INTS7: variants seen among roughly 807,000 people sequenced by gnomAD.
INTS7 encodes chromosome 1 open reading frame 73.
A neutral mutation model predicts 109.2 loss-of-function variants in INTS7; 46 were observed. The ratio of observed to expected loss-of-function variants is 0.42; its 90% confidence interval spans 0.33 to 0.54. INTS7 has a LOEUF of 0.54. Ranked by LOEUF, INTS7 falls within the 20% of genes least tolerant of loss-of-function variation. The pLI, the probability that INTS7 is intolerant of heterozygous loss-of-function variation, is 0.07. For synonymous variants in INTS7, 412 were observed against 402.9 expected (o/e 1.02, Z -0.27); for missense variants, 929 against 1,132.4 (o/e 0.82, Z 2.58).
chr1:212,021,272 CA>C, intron 1 of INTS7, 60 bp from the exon 2 acceptor site: 2 of 1,393,110 alleles, frequency 1.4e-6, no homozygotes, highest in Admixed American at 2.2e-5. Context: ...GGCTACAAAG[CA>C]AAAATAGCAA....
chr1:211,997,577 C>CA (rs1158240626), intron 7 of INTS7, among the ~76,000 whole-genome samples: 1 of 137,874 alleles, frequency 7.3e-6, no homozygotes, highest in Non-Finnish European at 1.6e-5. Flanking sequence ...GTTCATGGAT[C>CA]AAAAAAACAC....
At chr1:211,964,373 A>G (rs1663775678) in intron 16 of INTS7, among the ~76,000 whole-genome samples, 1 of 152,222 alleles carries the variant, frequency 6.6e-6, no homozygotes, top group African/African-American at 2.4e-5. Flanking sequence ...AGAAATCAAT[A>G]TTGTTAAAAT....
rs1370990799 is a variant in INTS7 at position 211,966,508 on chromosome 1, T to C, written c.2115-10A>G. On this transcript the variant is annotated splice_polypyrimidine_tract_variant and intron_variant, in intron 15 of 19. Transcript: ENST00000366994. ...ACAGCTCTGCTGCTGTCTGGATTGA[T>C]GTTAAGGTTACATACGAAAATAGAG... 5 of 1,585,616 alleles carry C rather than the reference T, an allele frequency of 3.2e-6. No homozygotes were observed. Among genetic ancestry groups the C allele is most frequent in the Non-Finnish European group, 4.3e-6 (5 of 1,159,476 alleles).
intron 9 of INTS7, among the ~76,000 whole-genome samples, chr1:211,981,668 A>T (rs535769292): frequency 3.3e-5 from 5 of 152,302 alleles, no homozygotes; most frequent in Admixed American, 2.6e-4. Flanking sequence ...TTACTGTTTT[A>T]AGTCTGACCA....
intron 1 of INTS7, among the ~76,000 whole-genome samples, chr1:212,032,508 G>T (rs2102509426): frequency 6.7e-6 from 1 of 149,860 alleles, no homozygotes; most frequent in East Asian, 2.0e-4. Context: ...AGACAGTCTT[G>T]CTCTGTTGCC....
chr1:211,953,416 ATACTTT>A lies in INTS7; in HGVS notation c.2184-721_2184-716del, dbSNP rs774773281. Among the ~76,000 whole-genome samples the A allele has an allele frequency of 1.5e-3, 228 of 152,094 alleles. 1 individual carries two copies. Among genetic ancestry groups the A allele is most frequent in the Non-Finnish European group, 6.2e-4 (42 of 67,982 alleles). Reference sequence around the variant, plus strand: ...ATTATTTTTTAATTTTATTATCATTATACTTTAAGTTTTAGGGTACATGTGCACAAT... The same window carrying A: ...ATTATTTTTTAATTTTATTATCATTAAAGTTTTAGGGTACATGTGCACAAT... On this transcript the variant is annotated intron_variant, in intron 16 of 19. Transcript: ENST00000366994.
At chr1:211,979,538 C>A (rs990877904) in intron 10 of INTS7, among the ~76,000 whole-genome samples, 3 of 152,162 alleles carry the variant, frequency 2.0e-5, no homozygotes, top group Non-Finnish European at 2.9e-5. Flanking sequence ...ATTCAAATAA[C>A]AATAATAATT....
chr1:211,995,574 T>C (rs1212054515), intron 7 of INTS7, among the ~76,000 whole-genome samples: 1 of 152,242 alleles, frequency 6.6e-6, no homozygotes, highest in East Asian at 1.9e-4. Flanking sequence ...GAACAGAAGA[T>C]TCTTTTATGC....
Position 211,944,768 on chromosome 1 carries a change from C to G in INTS7, c.2601+16G>C. 6.2e-7 allele frequency: 1 copy of G among 1,603,948 alleles called. No homozygotes were observed. The highest frequency in any genetic ancestry group is 8.5e-7 in the Non-Finnish European group (1 of 1,171,064). On this transcript the variant is annotated intron_variant, in intron 19 of 19. Transcript: ENST00000366994. Reference sequence around the variant, plus strand: ...TATAAAACCTGTATCACAATTCTGCCTCTTTTCTAAATTACCTTGTAGTCT... The same window carrying G: ...TATAAAACCTGTATCACAATTCTGCGTCTTTTCTAAATTACCTTGTAGTCT...
intron 12 of INTS7, among the ~76,000 whole-genome samples, chr1:211,976,082 G>A (rs1042549026): frequency 2.6e-5 from 4 of 152,028 alleles, no homozygotes; most frequent in Admixed American, 6.6e-5. Flanking sequence ...GATTACATGC[G>A]TGAGCCACCC....
At chr1:212,019,386 A>G (rs1412719688) in intron 3 of INTS7, among the ~76,000 whole-genome samples, 2 of 152,360 alleles carry the variant, frequency 1.3e-5, no homozygotes, top group South Asian at 2.1e-4. Context: ...CAAAAGCACT[A>G]AATTCTGAAC....
At chr1:211,954,822 A>C (rs1256054181) in intron 16 of INTS7, among the ~76,000 whole-genome samples, 1 of 152,218 alleles carries the variant, frequency 6.6e-6, no homozygotes, top group Admixed American at 6.5e-5. Flanking sequence ...GTTTGAAGTC[A>C]GGTAGTGTGA....
chr1:212,017,269 T>G (rs1666484582), intron 3 of INTS7, among the ~76,000 whole-genome samples: 1 of 152,242 alleles, frequency 6.6e-6, no homozygotes, highest in Non-Finnish European at 1.5e-5. Context: ...CACCTTGAAG[T>G]ACCTCCCAGG....
chr1:211,971,732 A>G (rs778934551), intron 13 of INTS7, among the ~76,000 whole-genome samples: 1 of 152,156 alleles, frequency 6.6e-6, no homozygotes, highest in African/African-American at 2.4e-5. Context: ...TCTGGCAAAC[A>G]TGGTGAAACC....
intron 4 of INTS7, among the ~76,000 whole-genome samples, chr1:212,013,361 AT>A (rs1158690974): frequency 3.3e-5 from 5 of 152,228 alleles, no homozygotes; most frequent in African/African-American, 1.2e-4. Context: ...GAATAAGGAT[AT>A]AAAGAAAGTA....
chr1:212,009,395 A>G (rs1339257495), intron 5 of INTS7, among the ~76,000 whole-genome samples: 1 of 152,224 alleles, frequency 6.6e-6, no homozygotes, highest in Non-Finnish European at 1.5e-5. Context: ...TATAGCTTTC[A>G]TCAACTCCCT....
intron 7 of INTS7, among the ~76,000 whole-genome samples, chr1:212,001,004 CA>C (rs201199692): frequency 0.02 from 3,030 of 151,012 alleles, 30 homozygotes; most frequent in African/African-American, 0.026. Flanking sequence ...TAAAAACAAA[CA>C]AACAGCATAC....
intron 4 of INTS7, chr1:212,011,772 G>C (rs1285994930): frequency 5.0e-6 from 1 of 201,724 alleles, no homozygotes; most frequent in African/African-American, 2.3e-5. Flanking sequence ...ACTTAGAAAA[G>C]TGTCTGAACA....
intron 7 of INTS7, among the ~76,000 whole-genome samples, chr1:211,993,679 C>CAAAA (rs1333287349): frequency 0.014 from 789 of 54,736 alleles, 12 homozygotes; most frequent in African/African-American, 0.05. Context: ...GACTAAAACT[C>CAAAA]AAAAAAAAAA....
Sources: allele counts gnomAD v4.1 joint callset (sites outside exome capture counted in the v4.1 genomes callset), GRCh38; gene constraint gnomAD v4.1.1; transcripts MANE v1.5; gene names NCBI Gene and HGNC (gene_info 2026-07-23, HGNC 2026-07-21).